LRGUK: variants seen among roughly 807,000 people sequenced by gnomAD.
LRGUK encodes leucine rich repeats and guanylate kinase domain containing.
LRGUK carries 65 observed loss-of-function variants against 76.0 expected under a neutral mutation model. The ratio of observed to expected loss-of-function variants is 0.85; its 90% CI spans 0.70 to 1.05. The LOEUF (loss-of-function observed/expected upper bound fraction) is 1.05, where lower values mean the gene tolerates loss of function less well. LRGUK is among the 50% of genes least tolerant of loss of function. The pLI is 0.00. For synonymous variants in LRGUK, 268 were observed against 265.6 expected (o/e 1.01, Z -0.09); for missense variants, 758 against 732.8 (o/e 1.03, Z -0.40).
At chr7:134,191,793 C>A in intron 12 of LRGUK, 42 bp downstream of exon 12, 2 of 1,240,778 alleles carry the variant, frequency 1.6e-6, no homozygotes, top group Non-Finnish European at 2.3e-6. Flanking sequence ...AAGAAATACA[C>A]GTTCTCTGGC....
rs1798156541 is a variant in LRGUK, at chr7:134,150,265, A to G, written c.670+1946A>G. Reference sequence around the variant, plus strand: ...ACTCCAGCCTGGGCTACAGAGCCCGAGACTCTGTCTCAAAAAACAAAAAAA... The same window carrying G: ...ACTCCAGCCTGGGCTACAGAGCCCGGGACTCTGTCTCAAAAAACAAAAAAA... On this transcript the variant is annotated intron_variant, in intron 5 of 15. Transcript: ENST00000645682. Among the ~76,000 whole-genome samples the G allele has an allele frequency of 2.0e-5, 3 of 148,738 alleles. No homozygotes were observed. The South Asian group carries it at 6.4e-4, about 32-fold the overall frequency.
At chr7:134,268,024 A>G (rs1388440102), downstream of LRGUK, among the ~76,000 whole-genome samples, 4 of 152,232 alleles carry the variant, frequency 2.6e-5, no homozygotes, top group Non-Finnish European at 4.4e-5. Flanking sequence ...TTATACCACT[A>G]AATGCCTACA....
exon 14 of LRGUK, chr7:134,199,421 G>T (rs1800656826): frequency 6.2e-7 from 1 of 1,607,154 alleles, no homozygotes; most frequent in African/African-American, 1.3e-5. Context: ...AATCAATGCA[G>T]GTTGGTAATT....
At chr7:134,206,100 C>G (rs962741900) in intron 15 of LRGUK, among the ~76,000 whole-genome samples, 8 of 152,138 alleles carry the variant, frequency 5.3e-5, no homozygotes, top group African/African-American at 1.9e-4. Context: ...AGCCTGGACC[C>G]AGAAATATAA....
chr7:134,127,495 C>T, exon 1 of LRGUK: 1 of 1,614,166 alleles, frequency 6.2e-7, no homozygotes, highest in Non-Finnish European at 8.5e-7. Context: ...CCTTGCTGGT[C>T]TTTTCCCATG....
intron 2 of LRGUK, among the ~76,000 whole-genome samples, chr7:134,139,058 A>G (rs1320828403): frequency 6.6e-6 from 1 of 152,134 alleles, no homozygotes. Flanking sequence ...TTAAAACTTC[A>G]TTTAAATTCT....
At chr7:134,237,805 G>T (rs886569197) in intron 16 of LRGUK, among the ~76,000 whole-genome samples, 8 of 152,120 alleles carry the variant, frequency 5.3e-5, no homozygotes, top group African/African-American at 1.9e-4. Context: ...AATTCAGTTA[G>T]TATTTCCAAT....
At chr7:134,252,477 C>T (rs1186416337) in intron 18 of LRGUK, among the ~76,000 whole-genome samples, 1 of 152,150 alleles carries the variant, frequency 6.6e-6, no homozygotes, top group African/African-American at 2.4e-5. Flanking sequence ...GATGGACCTC[C>T]TCCTTGGAGC....
At chr7:134,202,880 A>G (rs1484165431) in intron 15 of LRGUK, among the ~76,000 whole-genome samples, 1 of 152,192 alleles carries the variant, frequency 6.6e-6, no homozygotes, top group African/African-American at 2.4e-5. Flanking sequence ...CAGTGTGAAT[A>G]TACTTCATGC....
At chr7:134,156,265 G>T (rs183945554) in intron 5 of LRGUK, among the ~76,000 whole-genome samples, 4 of 148,818 alleles carry the variant, frequency 2.7e-5, no homozygotes, top group African/African-American at 1.0e-4. Context: ...TTCGTTGTCC[G>T]TTTTTTATTA....
At chr7:134,261,174 T>C (rs187873076) in intron 19 of LRGUK, among the ~76,000 whole-genome samples, 8 of 152,314 alleles carry the variant, frequency 5.3e-5, no homozygotes, top group African/African-American at 1.4e-4. Flanking sequence ...TTTGCTGATA[T>C]ACTGTAGTGG....
At chr7:134,246,595 G>C (rs1288104446) in intron 16 of LRGUK, among the ~76,000 whole-genome samples, 2 of 152,180 alleles carry the variant, frequency 1.3e-5, no homozygotes, top group Non-Finnish European at 2.9e-5. Context: ...ATGCTTGTTT[G>C]TTATTTCTTG....
intron 18 of LRGUK, among the ~76,000 whole-genome samples, 171 bp downstream of exon 18, chr7:134,249,247 A>G (rs772290405): frequency 2.6e-5 from 4 of 152,156 alleles, no homozygotes; most frequent in Admixed American, 1.3e-4. Flanking sequence ...GGGCCCAGGC[A>G]TATAACCTAG....
chr7:134,168,800 C>A lies in LRGUK; in HGVS notation c.939+5260C>A, dbSNP rs193014370. Among the ~76,000 whole-genome samples, 159 of 152,174 alleles carry A rather than the reference C, an allele frequency of 1.0e-3. 2 individuals carry two copies. The highest frequency in any genetic ancestry group is 3.6e-3 in the African/African-American group (148 of 41,512). ...CAGCCTCCTTACTGTCATCGAGAAC[C>A]CCTGGTTCATGGTTCTTTATCTTGT... On this transcript the variant is annotated intron_variant, in intron 7 of 15. Transcript: ENST00000645682.
chr7:134,242,448 T>C (rs2117195572), intron 16 of LRGUK, among the ~76,000 whole-genome samples: 1 of 152,090 alleles, frequency 6.6e-6, no homozygotes, highest in East Asian at 1.9e-4. Context: ...AACTAGAAAA[T>C]CTAGAAGAAA....
intron 16 of LRGUK, among the ~76,000 whole-genome samples, chr7:134,232,099 C>G (rs1801915432): frequency 6.6e-6 from 1 of 152,110 alleles, no homozygotes; most frequent in Admixed American, 6.6e-5. Context: ...GGCCTGGTCC[C>G]TGTCCTTATA....
At chr7:134,151,824 T>C (rs1466467148) in intron 5 of LRGUK, among the ~76,000 whole-genome samples, 1 of 152,068 alleles carries the variant, frequency 6.6e-6, no homozygotes, top group Non-Finnish European at 1.5e-5. Flanking sequence ...ATATAGACAA[T>C]TTAATAAAAT....
chr7:134,152,359 G>A (rs549595642), intron 5 of LRGUK, among the ~76,000 whole-genome samples: 1 of 152,080 alleles, frequency 6.6e-6, no homozygotes, highest in Non-Finnish European at 1.5e-5. Flanking sequence ...CTCTATTTAA[G>A]GGTGTTGAAG....
chr7:134,156,228 C>T (rs921944020), intron 5 of LRGUK, among the ~76,000 whole-genome samples: 1 of 152,134 alleles, frequency 6.6e-6, no homozygotes, highest in Non-Finnish European at 1.5e-5. Context: ...CACTTAGATT[C>T]ACTCTTTCGG....
Sources: gnomAD v4.1 joint callset for allele counts (sites outside exome capture counted in the v4.1 genomes callset) on GRCh38, gnomAD v4.1.1 for gene constraint, MANE v1.5 for transcripts, NCBI Gene and HGNC (gene_info 2026-07-23, HGNC 2026-07-21) for gene names.